Variants in PEF1 observed in about 807,000 individuals in gnomAD.
PEF1 encodes penta-EF-hand domain containing 1.
Under a neutral mutation model 32.0 loss-of-function variants are expected in PEF1, and 17 were observed. The ratio of observed to expected loss-of-function variants is 0.53; its 90% CI spans 0.36 to 0.80. The LOEUF is 0.80. Ranked by LOEUF, PEF1 falls within the 30% of genes least tolerant of loss-of-function variation. PEF1 has a pLI of 0.00. For missense variants in PEF1, 362 were observed against 369.1 expected, an observed-to-expected ratio of 0.98 and a Z score of 0.16; for synonymous variants, 130 against 139.8, an observed-to-expected ratio of 0.93 and a Z score of 0.50.
intron 2 of PEF1, 81 bp downstream of exon 2, chr1:31,635,141 C>T (rs1240906532): frequency 1.3e-6 from 2 of 1,534,754 alleles, no homozygotes; most frequent in Non-Finnish European, 1.8e-6. Context: ...GCTGCCTGCA[C>T]ACCCACAGGA....
intron 1 of PEF1, among the ~76,000 whole-genome samples, chr1:31,639,919 A>T (rs1162980201): frequency 6.6e-6 from 1 of 152,192 alleles, no homozygotes; most frequent in Non-Finnish European, 1.5e-5. Context: ...AGTGTCACTG[A>T]GTTGTTAGCA....
At chr1:31,635,689 G>A (rs891748129) in intron 1 of PEF1, among the ~76,000 whole-genome samples, 167 bp from the exon 2 acceptor site, 3 of 152,154 alleles carry the variant, frequency 2.0e-5, no homozygotes, top group Admixed American at 1.3e-4. Flanking sequence ...GGCTTCCAGA[G>A]GAGCAACGAG....
At chr1:31,641,031 C>T (rs749123453) in intron 1 of PEF1, among the ~76,000 whole-genome samples, 9 of 152,148 alleles carry the variant, frequency 5.9e-5, no homozygotes, top group East Asian at 1.9e-4. Context: ...GAGAGAAGCA[C>T]GCAACCAATA....
rs1395017617 is a variant in PEF1, at chr1:31,630,209, G to A, written c.*404C>T. ...ATTCCACTTTGGAGAAAATGGGCTCGTTTGACAGGATGGCCTGGTGAGGGA... is the reference window on the plus strand; with the variant it reads ...ATTCCACTTTGGAGAAAATGGGCTCATTTGACAGGATGGCCTGGTGAGGGA... On this transcript the variant is annotated 3_prime_UTR_variant, in exon 5 of 5. Coordinates refer to ENST00000373703, the MANE Select transcript of PEF1 (RefSeq NM_012392.4). 4 of 245,362 alleles carry A rather than the reference G, an allele frequency of 1.6e-5. No individual in the cohort carries two copies. The South Asian group carries it at 2.3e-4, about 14-fold the overall frequency. 15.2% of individuals were successfully genotyped at this position (245,362 alleles called of 1,614,324 possible).
intron 1 of PEF1, among the ~76,000 whole-genome samples, chr1:31,639,758 T>C (rs1640349513): frequency 6.6e-6 from 1 of 152,070 alleles, no homozygotes; most frequent in African/African-American, 2.4e-5. Context: ...AGGAAAGAGA[T>C]GGAGGAGGAG....
intron 4 of PEF1, among the ~76,000 whole-genome samples, chr1:31,631,763 A>T (rs1640110325): frequency 6.6e-6 from 1 of 152,178 alleles, no homozygotes; most frequent in African/African-American, 2.4e-5. Context: ...GTAGGTGATT[A>T]CTATAGGTCA....
intron 4 of PEF1, among the ~76,000 whole-genome samples, chr1:31,631,363 TAGCACAGTGAC>T (rs1640099257): frequency 6.6e-6 from 1 of 152,198 alleles, no homozygotes. Flanking sequence ...GTAAAGCACT[TAGCACAGTGAC>T]TGGCACAGAA....
At chr1:31,635,623 C>G in intron 1 of PEF1, 101 bp from the exon 2 acceptor site, 1 of 1,174,304 alleles carries the variant, frequency 8.5e-7, no homozygotes, top group Non-Finnish European at 1.1e-6. Flanking sequence ...ATCCTTTCAA[C>G]TGATCCTATA....
At position 31,632,555 on chromosome 1, in the gene PEF1, G is replaced by C; in HGVS notation, c.565C>G (p.Leu189Val). Reference sequence around the variant, plus strand: ...CGGTCCCGGTCATACTGCTGGAAGAGGTTCTTCCACTGCTGGATGAATTTC... The same window carrying C: ...CGGTCCCGGTCATACTGCTGGAAGACGTTCTTCCACTGCTGGATGAATTTC... The part of the protein sequence containing the change: ...LWKFIQQWKN[L>V]FQQYDRDRSG... Residue 189 changes from leucine to valine, a missense_variant, in exon 4 of 5, where the codon CTC becomes GTC. Physicochemically the swap from Leu to Val is conservative, Grantham distance 32. Transcript: ENST00000373703. 6.2e-7 allele frequency: 1 copy of C among 1,614,224 alleles called. No individual in the cohort carries two copies. The highest frequency in any genetic ancestry group is 1.1e-5 in the South Asian group (1 of 91,088).
intron 1 of PEF1, among the ~76,000 whole-genome samples, chr1:31,637,202 C>T (rs576173811): frequency 6.6e-6 from 1 of 152,074 alleles, no homozygotes; most frequent in Non-Finnish European, 1.5e-5. Context: ...GCTTTTCTAC[C>T]CTAGAAGCTG....
chr1:31,634,889 C>G (rs1443718592), intron 2 of PEF1: 5 of 502,370 alleles, frequency 1.0e-5, no homozygotes, highest in Non-Finnish European at 1.2e-5. Flanking sequence ...TGCTCCTTCT[C>G]TCTGCCACAA....
Position 31,633,299 on chromosome 1 carries a change from T to C in PEF1, c.341A>G (p.Asn114Ser), listed in dbSNP as rs765028173. 3.4e-5 allele frequency: 55 copies of C among 1,612,082 alleles called. No individual in the cohort carries two copies. The highest frequency in any genetic ancestry group is 1.4e-4 in the South Asian group (13 of 90,938). ...GLYGQGGAPP[N>S]VDPEAYSWFQ... ...CCAGGAGTAGGCCTCAGGATCCACA[T>C]TGGGAGGGGCGCCACCTGGAGGAAG... is the stretch of plus-strand genomic sequence containing the variant. Residue 114 changes from asparagine (N) to serine (S), a missense_variant, in exon 3 of 5, where the codon AAT becomes AGT. Coordinates refer to ENST00000373703, the MANE Select transcript of PEF1 (RefSeq NM_012392.4).
At chr1:31,636,622 T>C (rs1032965912) in intron 1 of PEF1, among the ~76,000 whole-genome samples, 1 of 152,236 alleles carries the variant, frequency 6.6e-6, no homozygotes, top group Non-Finnish European at 1.5e-5. Context: ...TCAGGTTAGT[T>C]TGTGAATGAA....
chr1:31,638,611 T>C (rs1201733696), intron 1 of PEF1, among the ~76,000 whole-genome samples: 1 of 152,264 alleles, frequency 6.6e-6, no homozygotes, highest in Non-Finnish European at 1.5e-5. Flanking sequence ...AAGCAGGTGC[T>C]GCCAGGCAGG....
intron 1 of PEF1, among the ~76,000 whole-genome samples, chr1:31,636,126 T>C (rs1640246911): frequency 6.6e-6 from 1 of 152,114 alleles, no homozygotes; most frequent in African/African-American, 2.4e-5. Context: ...GGCAATACGA[T>C]ACAATGCTTT....
intron 1 of PEF1, among the ~76,000 whole-genome samples, chr1:31,637,305 T>A (rs1336780109): frequency 1.3e-5 from 2 of 152,204 alleles, no homozygotes; most frequent in Non-Finnish European, 2.9e-5. Context: ...TTCATGACTG[T>A]GGGCCCGTGG....
Position 31,635,092 on chromosome 1 carries a change from C to A in PEF1, c.325+130G>T. 4.3e-6 allele frequency: 5 copies of A among 1,153,546 alleles called. No individual in the cohort carries two copies. In the South Asian group the frequency reaches 6.9e-5, roughly 16 times the overall value. 71.5% of individuals were successfully genotyped at this position (1,153,546 alleles called of 1,614,324 possible). A position where few individuals can be genotyped will look rare whatever the true frequency, so the allele number is the denominator to read the frequency against. On this transcript the variant is annotated intron_variant, in intron 2 of 4. Transcript: ENST00000373703. The stretch of plus-strand genomic sequence containing the variant: ...AAACTTATCATTTTGAGGATACACA[C>A]TGAAGCTGGAAGCAAGATGCTAAGG...
At chr1:31,639,811 C>T (rs1640350911) in intron 1 of PEF1, among the ~76,000 whole-genome samples, 1 of 152,146 alleles carries the variant, frequency 6.6e-6, no homozygotes, top group African/African-American at 2.4e-5. Flanking sequence ...AGCTTTTGCA[C>T]AAGATGAAGG....
chr1:31,634,184 G>A (rs1341307041), intron 2 of PEF1, among the ~76,000 whole-genome samples: 1 of 152,168 alleles, frequency 6.6e-6, no homozygotes, highest in African/African-American at 2.4e-5. Flanking sequence ...AAAAATCCGG[G>A]CAGGTTCTAG....
Sources: allele counts gnomAD v4.1 joint callset (sites outside exome capture counted in the v4.1 genomes callset), GRCh38; gene constraint gnomAD v4.1.1; transcripts MANE v1.5; gene names NCBI Gene and HGNC (gene_info 2026-07-23, HGNC 2026-07-21).